Variants in SUGCT observed in about 807,000 individuals in gnomAD.
The protein encoded by SUGCT is succinyl-CoA:glutarate-CoA transferase, also known as succinyl-CoA:glutarate CoA-transferase.
In SUGCT, 41 loss-of-function variants were observed where a neutral mutation model predicts 55.0. The observed-to-expected ratio is 0.74, with a 90% CI of 0.58 to 0.97. The LOEUF is 0.97. Ranked by LOEUF, SUGCT falls within the 50% of genes least tolerant of loss-of-function variation. The pLI is 0.00. For synonymous variants in SUGCT, 187 were observed against 200.4 expected (o/e 0.93, Z 0.56); for missense variants, 568 against 547.8 (o/e 1.04, Z -0.37).
At chr7:40,716,160 T>G (rs572121544) in intron 12 of SUGCT, among the ~76,000 whole-genome samples, 1 of 152,306 alleles carries the variant, frequency 6.6e-6, no homozygotes, top group East Asian at 1.9e-4. Flanking sequence ...TGCTTGACCC[T>G]GGTGAGCTGC....
At chr7:40,468,193 T>C (rs959314025) in intron 11 of SUGCT, among the ~76,000 whole-genome samples, 1 of 152,154 alleles carries the variant, frequency 6.6e-6, no homozygotes, top group Non-Finnish European at 1.5e-5. Flanking sequence ...CTTCAGCCCA[T>C]ATCTTTAAGC....
chr7:40,725,087 C>T (rs1786543626), intron 12 of SUGCT, among the ~76,000 whole-genome samples: 2 of 152,128 alleles, frequency 1.3e-5, no homozygotes, highest in East Asian at 1.9e-4. Context: ...CCCCACTTCT[C>T]ATTGAGGCCT....
At chr7:40,370,576 G>A (rs1323707806) in intron 9 of SUGCT, among the ~76,000 whole-genome samples, 1 of 149,410 alleles carries the variant, frequency 6.7e-6, no homozygotes, top group Admixed American at 6.7e-5. Context: ...GAGAGAGAGA[G>A]AAGAGAGAGA....
At chr7:40,962,487 T>C in the SUGCT span, among the ~76,000 whole-genome samples, 1 of 151,256 alleles carries the variant, frequency 6.6e-6, no homozygotes, top group Non-Finnish European at 1.5e-5. Flanking sequence ...ATCCTTCAGA[T>C]TGCATAATAT....
At chr7:40,952,568 G>A in the SUGCT span, among the ~76,000 whole-genome samples, 1 of 152,200 alleles carries the variant, frequency 6.6e-6, no homozygotes, top group South Asian at 2.1e-4. Context: ...TTACAATTTG[G>A]CATGTTTTTG....
In SUGCT at chr7:40,660,295, G is replaced by A. The variant is rs149408611; in HGVS notation, c.1090-89139G>A. Reference sequence around the variant, plus strand: ...GTTGTTTGAGATGGAGTCTTGCTCTGTCACCCAGGCTGGAGTGCAGTGGCA... The same window carrying A: ...GTTGTTTGAGATGGAGTCTTGCTCTATCACCCAGGCTGGAGTGCAGTGGCA... On this transcript the variant is annotated intron_variant, in intron 12 of 13. Coordinates refer to ENST00000335693, the MANE Select transcript of SUGCT (RefSeq NM_001193313.2). Among the ~76,000 whole-genome samples, 345 of 152,256 alleles carry A rather than the reference G, an allele frequency of 2.3e-3. 3 individuals carry two copies. The highest frequency in any genetic ancestry group is 7.9e-3 in the African/African-American group (330 of 41,544).
intron 1 of SUGCT, among the ~76,000 whole-genome samples, chr7:40,178,582 G>C (rs1785034859): frequency 6.6e-6 from 1 of 151,610 alleles, no homozygotes; most frequent in South Asian, 2.1e-4. Context: ...TTGTCTTTCA[G>C]CATTGTTGAG....
intron 6 of SUGCT, among the ~76,000 whole-genome samples, chr7:40,203,447 T>C (rs1422801271): frequency 6.6e-6 from 1 of 152,168 alleles, no homozygotes; most frequent in Non-Finnish European, 1.5e-5. Flanking sequence ...GAACATGAGA[T>C]AGCTGTCTTC....
At chr7:40,302,780 A>C (rs1419265490) in intron 8 of SUGCT, among the ~76,000 whole-genome samples, 1 of 152,152 alleles carries the variant, frequency 6.6e-6, no homozygotes, top group Admixed American at 6.5e-5. Context: ...TGCATTGTAC[A>C]GGATGTATAT....
chr7:40,711,197 G>C (rs975269391), intron 12 of SUGCT, among the ~76,000 whole-genome samples: 2 of 152,170 alleles, frequency 1.3e-5, no homozygotes, highest in African/African-American at 2.4e-5. Flanking sequence ...GAGCAACTCC[G>C]ACCCAGCCCC....
chr7:40,356,383 G>C (rs1797888473), intron 9 of SUGCT, among the ~76,000 whole-genome samples: 1 of 152,188 alleles, frequency 6.6e-6, no homozygotes, highest in Non-Finnish European at 1.5e-5. Flanking sequence ...GTTGAGGATA[G>C]ATTTTCTTAC....
chr7:40,679,953 TGATTTTTTTAAGG>T (rs1194839383), intron 12 of SUGCT, among the ~76,000 whole-genome samples: 3 of 152,224 alleles, frequency 2.0e-5, no homozygotes, highest in Non-Finnish European at 2.9e-5. Context: ...ATATGCTGTT[TGATTTTTTTAAGG>T]CATTGTTGCT....
At chr7:40,795,379 T>A (rs765867403) in intron 13 of SUGCT, among the ~76,000 whole-genome samples, 1 of 152,108 alleles carries the variant, frequency 6.6e-6, no homozygotes, top group Non-Finnish European at 1.5e-5. Context: ...ATCCTCAAAT[T>A]GAAATGTGTT....
chr7:40,671,322 A>G (rs966763013), intron 12 of SUGCT, among the ~76,000 whole-genome samples: 1 of 152,252 alleles, frequency 6.6e-6, no homozygotes, highest in Non-Finnish European at 1.5e-5. Context: ...CTCTCGGAAA[A>G]GTATAAACAA....
chr7:40,791,318 C>T (rs1005269140), intron 13 of SUGCT, among the ~76,000 whole-genome samples: 5 of 152,104 alleles, frequency 3.3e-5, no homozygotes, highest in Non-Finnish European at 7.4e-5. Context: ...ACTGTCAATG[C>T]AATAGAGACA....
the SUGCT span, among the ~76,000 whole-genome samples, chr7:41,003,277 G>T: frequency 6.6e-6 from 1 of 152,138 alleles, no homozygotes; most frequent in Non-Finnish European, 1.5e-5. Context: ...TTTACCTTCA[G>T]ATTTAACTCA....
chr7:40,248,928 CCTCT>C (rs68000009), intron 7 of SUGCT, among the ~76,000 whole-genome samples: 46,872 of 142,246 alleles, frequency 0.33, 7,665 homozygotes, highest in East Asian at 0.48. Flanking sequence ...ACACACACTC[CCTCT>C]CTCTCTGTCT....
At chr7:41,035,070 C>A in the SUGCT span, among the ~76,000 whole-genome samples, 1 of 152,232 alleles carries the variant, frequency 6.6e-6, no homozygotes, top group Non-Finnish European at 1.5e-5. Context: ...TCTTTGCCAC[C>A]AGCTGCCTGC....
At position 40,496,330 on chromosome 7, in the gene SUGCT, A is replaced by G. The variant is rs1238995939; in HGVS notation, c.1033A>G (p.Ser345Gly). ...CAAGTGGTTATATCTTTTTGAAGGC[A>G]GTGGAGTCCCGTATGGCCCAATCAA... ...TSKWLYLFEGSGVPYGPINNM... is the reference protein window; with the variant it reads ...TSKWLYLFEGGGVPYGPINNM... Residue 345 changes from serine to glycine, a missense_variant, in exon 12 of 14, where the codon AGT becomes GGT. Coordinates refer to ENST00000335693, the MANE Select transcript of SUGCT (RefSeq NM_001193313.2). 3.1e-6 allele frequency: 5 copies of G among 1,613,236 alleles called. No homozygotes were observed. Among genetic ancestry groups the G allele is most frequent in the South Asian group, 2.2e-5 (2 of 90,946 alleles).
Sources: allele counts gnomAD v4.1 joint callset (sites outside exome capture counted in the v4.1 genomes callset), GRCh38; gene constraint gnomAD v4.1.1; transcripts MANE v1.5; gene names NCBI Gene and HGNC (gene_info 2026-07-23, HGNC 2026-07-21).